The following CALN1 variants were observed in gnomAD, a reference collection of about 807,000 sequenced individuals.
CALN1 encodes calneuron 1, also known as calcium-binding protein 8.
Under a neutral mutation model 30.6 loss-of-function variants are expected in CALN1, and 17 were observed. That is an observed-to-expected ratio of 0.56 (90% CI 0.38 to 0.83). The LOEUF (loss-of-function observed/expected upper bound fraction) is 0.83, where lower values mean the gene tolerates loss of function less well. Among genes scored for constraint, CALN1 ranks in the 40% least tolerant of loss-of-function variants. The pLI, the probability that CALN1 is intolerant of heterozygous loss-of-function variation, is 0.00. For synonymous variants in CALN1, 156 were observed against 131.4 expected (o/e 1.19, Z -1.28); for missense variants, 291 against 354.9 (o/e 0.82, Z 1.45).
chr7:72,144,087 C>A (rs1418377153), intron 3 of CALN1, among the ~76,000 whole-genome samples: 1 of 152,142 alleles, frequency 6.6e-6, no homozygotes, highest in Non-Finnish European at 1.5e-5. Flanking sequence ...AAATAACCAG[C>A]TAACATCATA....
intron 2 of CALN1, among the ~76,000 whole-genome samples, chr7:72,323,864 C>T (rs940058340): frequency 2.6e-5 from 4 of 151,618 alleles, no homozygotes; most frequent in African/African-American, 9.7e-5. Context: ...GGAAACATAG[C>T]GAAACCCCAT....
chr7:72,411,121 A>G (rs891328722), intron 1 of CALN1, among the ~76,000 whole-genome samples: 10 of 152,132 alleles, frequency 6.6e-5, no homozygotes, highest in African/African-American at 2.4e-4. Flanking sequence ...AGCAGAGCCT[A>G]TTTATAAGAG....
intron 5 of CALN1, among the ~76,000 whole-genome samples, chr7:71,910,003 G>C (rs1414937359): frequency 1.3e-5 from 2 of 152,310 alleles, no homozygotes; most frequent in East Asian, 3.9e-4. Flanking sequence ...CATCTTACAA[G>C]GCAGCAGGCA....
At chr7:72,133,506 GT>G (rs1809303836) in intron 3 of CALN1, among the ~76,000 whole-genome samples, 1 of 152,190 alleles carries the variant, frequency 6.6e-6, no homozygotes, top group African/African-American at 2.4e-5. Context: ...TTATCATATG[GT>G]TACACATGGT....
At chr7:72,362,625 G>T (rs923529285) in intron 2 of CALN1, among the ~76,000 whole-genome samples, 1 of 152,050 alleles carries the variant, frequency 6.6e-6, no homozygotes, top group Non-Finnish European at 1.5e-5. Flanking sequence ...CTCTTTTACC[G>T]CAAGTTCTCT....
intron 3 of CALN1, among the ~76,000 whole-genome samples, chr7:72,259,914 C>CA (rs746731526): frequency 3.3e-5 from 5 of 152,082 alleles, no homozygotes; most frequent in Non-Finnish European, 5.9e-5. Flanking sequence ...TTTTAAAATG[C>CA]AAAAAGGATC....
At chr7:71,931,269 C>CT (rs71092936) in intron 5 of CALN1, among the ~76,000 whole-genome samples, 30,068 of 149,348 alleles carry the variant, frequency 0.2, 3,351 homozygotes, top group Admixed American at 0.3. Flanking sequence ...AAACCATTCT[C>CT]TTTTTTTTTT....
chr7:72,252,923 G>A (rs1026489260), intron 3 of CALN1, among the ~76,000 whole-genome samples: 2 of 152,116 alleles, frequency 1.3e-5, no homozygotes, highest in Admixed American at 1.3e-4. Flanking sequence ...CAACATTTGT[G>A]AATGAATGAG....
At chr7:72,271,379 A>G (rs1190720833) in intron 3 of CALN1, among the ~76,000 whole-genome samples, 1 of 151,474 alleles carries the variant, frequency 6.6e-6, no homozygotes, top group Non-Finnish European at 1.5e-5. Context: ...AGGTTTAGGA[A>G]TGCATGGTGA....
intron 3 of CALN1, among the ~76,000 whole-genome samples, chr7:72,113,205 C>T (rs1807699482): frequency 6.6e-6 from 1 of 152,180 alleles, no homozygotes; most frequent in Admixed American, 6.5e-5. Flanking sequence ...CAGATCAATA[C>T]TCTCTCTGGG....
At position 71,897,487 on chromosome 7, in the gene CALN1, G is replaced by A. The variant is rs565717278; in HGVS notation, c.502-86995C>T. On this transcript the variant is annotated intron_variant, in intron 5 of 6. Coordinates refer to ENST00000395275, the MANE Select transcript of CALN1 (RefSeq NM_031468.4). ...CAGCACACATTTCTTCCTGTCCAAG[G>A]ATAAAAGAACAGAAAACAAAAATTT... is the stretch of plus-strand genomic sequence containing the variant. 7.2e-5 allele frequency among the ~76,000 whole-genome samples: 11 copies of A among 152,208 alleles called. No homozygotes were observed. In the South Asian group the frequency reaches 2.3e-3, roughly 32 times the overall value.
chr7:72,157,790 C>T (rs912528596), intron 3 of CALN1, among the ~76,000 whole-genome samples: 1 of 152,188 alleles, frequency 6.6e-6, no homozygotes, highest in Admixed American at 6.5e-5. Context: ...GTTGCCCAGG[C>T]AGGAGTGCAG....
At chr7:71,865,361 G>C (rs1469605638) in intron 5 of CALN1, among the ~76,000 whole-genome samples, 3 of 152,224 alleles carry the variant, frequency 2.0e-5, no homozygotes, top group African/African-American at 7.2e-5. Flanking sequence ...TGCTTCTCCA[G>C]GAGGTGGAGG....
At chr7:71,831,814 C>A (rs2116418972) in intron 5 of CALN1, among the ~76,000 whole-genome samples, 1 of 138,062 alleles carries the variant, frequency 7.2e-6, no homozygotes, top group Non-Finnish European at 1.5e-5. Flanking sequence ...ATCGCATGAG[C>A]CCGGAAGGTG....
intron 3 of CALN1, among the ~76,000 whole-genome samples, chr7:72,264,557 G>A (rs1026637382): frequency 1.3e-5 from 2 of 151,004 alleles, no homozygotes; most frequent in Non-Finnish European, 2.9e-5. Flanking sequence ...GCAGTGGTGC[G>A]ATCATAGCTC....
intron 5 of CALN1, among the ~76,000 whole-genome samples, chr7:71,924,743 G>A (rs1795172785): frequency 6.6e-6 from 1 of 151,918 alleles, no homozygotes. Flanking sequence ...TTACACATAA[G>A]AGCCTGAAAA....
At chr7:72,428,313 G>T (rs1807860751) in intron 1 of CALN1, among the ~76,000 whole-genome samples, 1 of 151,936 alleles carries the variant, frequency 6.6e-6, no homozygotes, top group Non-Finnish European at 1.5e-5. Context: ...GTGGCCCAAA[G>T]CAGGAAGAAA....
chr7:72,362,781 C>T (rs374948174), intron 2 of CALN1, among the ~76,000 whole-genome samples: 23 of 152,306 alleles, frequency 1.5e-4, no homozygotes, highest in African/African-American at 4.1e-4. Context: ...AGAAATCGTA[C>T]TCATCCTCTT....
At chr7:72,054,244 A>G (rs1449999835) in intron 4 of CALN1, among the ~76,000 whole-genome samples, 2 of 151,790 alleles carry the variant, frequency 1.3e-5, no homozygotes, top group East Asian at 3.9e-4. Flanking sequence ...CGGCTGTACT[A>G]GTTTACATTC....
Sources: allele counts gnomAD v4.1 joint callset (sites outside exome capture counted in the v4.1 genomes callset), GRCh38; gene constraint gnomAD v4.1.1; transcripts MANE v1.5; gene names NCBI Gene and HGNC (gene_info 2026-07-23, HGNC 2026-07-21).